Variants in ATP9A observed in about 807,000 individuals in gnomAD.
ATP9A encodes the protein ATPase phospholipid transporting 9A.
In ATP9A, 52 loss-of-function variants were observed where a neutral mutation model predicts 144.1. That is an observed-to-expected ratio of 0.36 (90% confidence interval 0.29 to 0.45). The LOEUF is 0.45. Ranked by LOEUF, ATP9A falls within the 20% of genes least tolerant of loss-of-function variation. ATP9A has a pLI of 1.00. For synonymous variants in ATP9A, 582 were observed against 557.4 expected, an observed-to-expected ratio of 1.04 and a Z score of -0.62; for missense variants, 947 against 1,392.7, an observed-to-expected ratio of 0.68 and a Z score of 5.09.
At chr20:51,619,390 C>T (rs1217866205) in intron 19 of ATP9A, among the ~76,000 whole-genome samples, 1 of 151,926 alleles carries the variant, frequency 6.6e-6, no homozygotes, top group African/African-American at 2.4e-5. Flanking sequence ...ATGGTGAAAC[C>T]CACTCTCTAC....
At chr20:51,678,388 C>T (rs1255655227) in intron 9 of ATP9A, among the ~76,000 whole-genome samples, 1 of 152,152 alleles carries the variant, frequency 6.6e-6, no homozygotes, top group African/African-American at 2.4e-5. Context: ...GTAAAGAGCC[C>T]GCCCCCAAAT....
At chr20:51,643,293 G>GT (rs907349077) in intron 14 of ATP9A, among the ~76,000 whole-genome samples, 1 of 152,016 alleles carries the variant, frequency 6.6e-6, no homozygotes, top group Non-Finnish European at 1.5e-5. Flanking sequence ...TTTATTTTGT[G>GT]TTTTTTTAGT....
intron 1 of ATP9A, among the ~76,000 whole-genome samples, chr20:51,754,082 G>A (rs1317485349): frequency 6.8e-6 from 1 of 147,110 alleles, no homozygotes; most frequent in Non-Finnish European, 1.5e-5. Context: ...CAAGAAGAGA[G>A]TGCCTGGCCA....
chr20:51,768,113 T>A (rs1052709953), intron 1 of ATP9A, among the ~76,000 whole-genome samples, 189 bp downstream of exon 1: 1 of 151,848 alleles, frequency 6.6e-6, no homozygotes, highest in African/African-American at 2.4e-5. Flanking sequence ...AGGGCCGGCA[T>A]CAGGCTAGGT....
chr20:51,604,732 C>T (rs1181118291), intron 27 of ATP9A, 85 bp downstream of exon 27: 1 of 1,263,798 alleles, frequency 7.9e-7, no homozygotes, highest in Non-Finnish European at 1.0e-6. Flanking sequence ...GCGCTGGGAA[C>T]CCCCCTTCCT....
At chr20:51,678,685 G>A (rs770208352) in intron 9 of ATP9A, among the ~76,000 whole-genome samples, 5 of 152,182 alleles carry the variant, frequency 3.3e-5, no homozygotes, top group African/African-American at 9.6e-5. Context: ...CCACACGACC[G>A]CTGCATCCAC....
At chr20:51,654,691 G>A (rs2077380170) in intron 14 of ATP9A, among the ~76,000 whole-genome samples, 1 of 151,970 alleles carries the variant, frequency 6.6e-6, no homozygotes, top group Non-Finnish European at 1.5e-5. Flanking sequence ...CACCTATCAA[G>A]AGCCGCTGCA....
intron 19 of ATP9A, 79 bp downstream of exon 19, chr20:51,621,995 G>A (rs756902396): frequency 4.4e-5 from 56 of 1,267,396 alleles, no homozygotes; most frequent in Non-Finnish European, 6.4e-5. Context: ...CCCTTCTTAA[G>A]GGGCCCACTC....
At chr20:51,722,972 A>G (rs1274249348) in intron 3 of ATP9A, among the ~76,000 whole-genome samples, 1 of 152,174 alleles carries the variant, frequency 6.6e-6, no homozygotes, top group African/African-American at 2.4e-5. Context: ...CACCATGCCC[A>G]GCTAATTTTT....
intron 4 of ATP9A, among the ~76,000 whole-genome samples, chr20:51,710,257 C>T (rs1012970168): frequency 3.3e-5 from 5 of 151,960 alleles, no homozygotes; most frequent in Non-Finnish European, 7.3e-5. Context: ...GAGCGAAGAT[C>T]GCGACATTGC....
chr20:51,722,080 A>T lies in ATP9A; in HGVS notation c.327+3739T>A, dbSNP rs148609092. On this transcript the variant is annotated intron_variant, in intron 3 of 27. Transcript: ENST00000338821. ...TCTTCAACAAAACAAACAAAAACGT[A>T]AAGTGGGGGAAAGGACACCCTTTTC... Among the ~76,000 whole-genome samples, 265 of 152,294 alleles carry T rather than the reference A, an allele frequency of 1.7e-3. 7 individuals are homozygous for T. In the East Asian group the frequency reaches 0.042, roughly 24 times the overall value.
intron 4 of ATP9A, among the ~76,000 whole-genome samples, chr20:51,698,289 C>T (rs923105458): frequency 2.0e-5 from 3 of 152,146 alleles, no homozygotes; most frequent in Non-Finnish European, 2.9e-5. Flanking sequence ...TTTGGAAGGC[C>T]GAAGCAGGCA....
intron 22 of ATP9A, among the ~76,000 whole-genome samples, chr20:51,615,504 T>A (rs2077199782): frequency 2.0e-5 from 3 of 152,142 alleles, no homozygotes; most frequent in Non-Finnish European, 4.4e-5. Flanking sequence ...TGTAAGATAT[T>A]TGTATAGATA....
intron 10 of ATP9A, among the ~76,000 whole-genome samples, chr20:51,675,891 A>AAC (rs2077475016): frequency 6.6e-6 from 1 of 151,832 alleles, no homozygotes; most frequent in Admixed American, 6.6e-5. Flanking sequence ...AAAAAAGAAA[A>AAC]AAAAAAAAAA....
Position 51,617,562 on chromosome 20 carries a change from C to A in ATP9A, c.2351-8G>T. 6.2e-7 allele frequency: 1 copy of A among 1,610,798 alleles called. No homozygotes were observed. The highest frequency in any genetic ancestry group is 2.2e-5 in the East Asian group (1 of 44,770). On this transcript the variant is annotated splice_polypyrimidine_tract_variant and splice_region_variant and intron_variant, in intron 21 of 27. Coordinates refer to ENST00000338821, the MANE Select transcript of ATP9A (RefSeq NM_006045.3). Reference sequence around the variant, plus strand: ...CGTCATTGCCTCCGTCCCCTGCGAGCCACACAGACCAGAGAGAAAAGATGT... The same window carrying A: ...CGTCATTGCCTCCGTCCCCTGCGAGACACACAGACCAGAGAGAAAAGATGT...
At chr20:51,612,695 G>C (rs1289298299) in intron 23 of ATP9A, among the ~76,000 whole-genome samples, 2 of 152,202 alleles carry the variant, frequency 1.3e-5, no homozygotes, top group African/African-American at 4.8e-5. Context: ...AATGTGCTGG[G>C]ATTACAGGCA....
At chr20:51,679,914 G>T (rs1327298426) in intron 9 of ATP9A, among the ~76,000 whole-genome samples, 1 of 152,108 alleles carries the variant, frequency 6.6e-6, no homozygotes, top group Non-Finnish European at 1.5e-5. Flanking sequence ...ATCAAATGGG[G>T]TATAGACCAT....
intron 3 of ATP9A, among the ~76,000 whole-genome samples, chr20:51,714,341 T>C (rs919617689): frequency 2.0e-5 from 3 of 151,856 alleles, no homozygotes; most frequent in Admixed American, 1.3e-4. Context: ...TGCGCCACCA[T>C]GCCTGGCTAA....
At chr20:51,635,238 A>G (rs1359460239) in intron 15 of ATP9A, among the ~76,000 whole-genome samples, 1 of 152,232 alleles carries the variant, frequency 6.6e-6, no homozygotes, top group Non-Finnish European at 1.5e-5. Context: ...TCTGGCCAAC[A>G]GCCAGGAAAG....
Sources: allele counts gnomAD v4.1 joint callset (sites outside exome capture counted in the v4.1 genomes callset), GRCh38; gene constraint gnomAD v4.1.1; transcripts MANE v1.5; gene names NCBI Gene and HGNC (gene_info 2026-07-23, HGNC 2026-07-21).